Variants in ROCK1 observed in about 807,000 individuals in gnomAD.
The protein encoded by ROCK1 is rho-associated protein kinase 1.
Under a neutral mutation model 196.8 loss-of-function variants are expected in ROCK1, and 36 were observed. The ratio of observed to expected loss-of-function variants is 0.18; its 90% CI spans 0.14 to 0.24. ROCK1 has a LOEUF of 0.24. ROCK1 is among the 10% of genes least tolerant of loss of function. The probability of loss-of-function intolerance (pLI) is 1.00; values close to 1 mark genes in which losing one functional copy is unlikely to be tolerated. For missense variants in ROCK1, 920 were observed against 1,562.0 expected (o/e 0.59, Z 6.93); for synonymous variants, 443 against 515.9 (o/e 0.86, Z 1.91).
chr18:21,030,608 A>T (rs1333549882), intron 9 of ROCK1, among the ~76,000 whole-genome samples: 2 of 152,192 alleles, frequency 1.3e-5, no homozygotes, highest in Non-Finnish European at 2.9e-5. Context: ...CTGAGATACA[A>T]GTGGGGAAAA....
intron 22 of ROCK1, among the ~76,000 whole-genome samples, chr18:20,971,673 TAAATAAATAAA>T (rs2035429975): frequency 6.0e-5 from 1 of 16,560 alleles, no homozygotes; most frequent in Non-Finnish European, 9.4e-5. Flanking sequence ...CAAAAATAAA[TAAATAAATAAA>T]TAAATAAATA....
intron 27 of ROCK1, among the ~76,000 whole-genome samples, chr18:20,962,072 G>A (rs1448286799): frequency 6.6e-6 from 1 of 152,056 alleles, no homozygotes; most frequent in Admixed American, 6.6e-5. Context: ...GTACTTGACA[G>A]ATATTTGTTG....
At chr18:21,018,156 C>T (rs2035880851) in intron 12 of ROCK1, among the ~76,000 whole-genome samples, 3 of 151,926 alleles carry the variant, frequency 2.0e-5, no homozygotes, top group Non-Finnish European at 4.4e-5. Context: ...TTAGCCAATT[C>T]AGCCATTCTT....
intron 9 of ROCK1, among the ~76,000 whole-genome samples, chr18:21,031,652 G>A (rs1412161366): frequency 2.7e-5 from 4 of 149,248 alleles, no homozygotes; most frequent in African/African-American, 7.4e-5. Context: ...CCACCTCTGA[G>A]GAAACCAAGA....
intron 1 of ROCK1, among the ~76,000 whole-genome samples, chr18:21,078,066 T>C (rs1235036856): frequency 1.3e-5 from 2 of 152,162 alleles, no homozygotes; most frequent in East Asian, 3.9e-4. Context: ...CAGTGGCTCA[T>C]GCCTGTAATC....
At chr18:21,008,332 A>G (rs1360476260) in intron 13 of ROCK1, 138 bp from the exon 14 acceptor site, 1 of 583,268 alleles carries the variant, frequency 1.7e-6, no homozygotes, top group African/African-American at 1.9e-5. Flanking sequence ...TTTCAAACGC[A>G]AATAGTATCT....
rs1448259570 is a variant in ROCK1, at chr18:20,946,961, A to G, written c.*4423T>C. On this transcript the variant is annotated 3_prime_UTR_variant, in exon 33 of 33. Coordinates refer to ENST00000399799, the MANE Select transcript of ROCK1 (RefSeq NM_005406.3). Reference sequence around the variant, plus strand: ...CCATCCTACATGGTACAAGAAACCAATTTATAGGATTAACATACAAGTGTC... The same window carrying G: ...CCATCCTACATGGTACAAGAAACCAGTTTATAGGATTAACATACAAGTGTC... 2 of 152,220 alleles carry G rather than the reference A, an allele frequency of 1.3e-5. No individual in the cohort carries two copies. Among genetic ancestry groups the G allele is most frequent in the African/African-American group, 4.8e-5 (2 of 41,462 alleles). The allele number at this position is 152,220 out of a possible 1,614,324, so 9.4% of individuals were successfully genotyped here. A position where few individuals can be genotyped will look rare whatever the true frequency, so the allele number is the denominator to read the frequency against.
At position 21,015,421 on chromosome 18, in the gene ROCK1, C is replaced by T; in HGVS notation, c.1410+10G>A. On this transcript the variant is annotated intron_variant, in intron 13 of 32. Transcript: ENST00000399799. Reference sequence around the variant, plus strand: ...TCAAAAAGGAAACTTGATTAGAAAACAAAAAGTACCTCTTCATCCAATTCT... The same window carrying T: ...TCAAAAAGGAAACTTGATTAGAAAATAAAAAGTACCTCTTCATCCAATTCT... 2 of 1,542,064 alleles carry T rather than the reference C, an allele frequency of 1.3e-6. No individual in the cohort carries two copies. The highest frequency in any genetic ancestry group is 1.8e-6 in the Non-Finnish European group (2 of 1,122,376).
chr18:20,992,872 C>T lies in ROCK1; in HGVS notation c.1951G>A (p.Glu651Lys). 1 of 1,612,136 alleles carries T rather than the reference C, an allele frequency of 6.2e-7. No individual in the cohort carries two copies. Among genetic ancestry groups the T allele is most frequent in the Non-Finnish European group, 8.5e-7 (1 of 1,178,680 alleles). ...AGCATGTCTTGAGCCTCTTTTCTTT[C>T]TCCTTCCACTTTTTCGAGATTATGT... ...LKHNLEKVEG[E>K]RKEAQDMLNH... The change falls in exon 17 of 33, where the codon GAA becomes AAA. Residue 651 changes from glutamate (E) to lysine (K), a missense_variant. Glu to Lys is a moderately conservative substitution (Grantham distance 56, BLOSUM62 1). This residue lies in a region of ROCK1 where 520 missense variants were observed against 657.1 expected (regional missense o/e 0.79). Transcript: ENST00000399799.
At chr18:21,068,090 T>A (rs1178137876) in intron 2 of ROCK1, among the ~76,000 whole-genome samples, 4 of 152,242 alleles carry the variant, frequency 2.6e-5, no homozygotes, top group Non-Finnish European at 5.9e-5. Context: ...GTCTAATTTA[T>A]CCTTTTTCAA....
intron 1 of ROCK1, among the ~76,000 whole-genome samples, chr18:21,093,288 G>T (rs2036586405): frequency 6.6e-6 from 1 of 152,160 alleles, no homozygotes; most frequent in Non-Finnish European, 1.5e-5. Flanking sequence ...ACCAGCTGCA[G>T]TCACATCATT....
chr18:21,022,277 G>GT (rs1425688118), intron 11 of ROCK1, among the ~76,000 whole-genome samples: 1 of 152,114 alleles, frequency 6.6e-6, no homozygotes, highest in Non-Finnish European at 1.5e-5. Context: ...CTTCTGAAAT[G>GT]TAAGCAAGTA....
chr18:21,058,835 T>C (rs1348989328), intron 2 of ROCK1, among the ~76,000 whole-genome samples: 1 of 152,114 alleles, frequency 6.6e-6, no homozygotes. Flanking sequence ...TGCCTCGGCC[T>C]CCGAAAGTGC....
intron 29 of ROCK1, among the ~76,000 whole-genome samples, chr18:20,958,738 C>A (rs1400696545): frequency 6.7e-6 from 1 of 149,960 alleles, no homozygotes; most frequent in Non-Finnish European, 1.5e-5. Context: ...AACCTAGGCA[C>A]ATCCTCCTGT....
intron 9 of ROCK1, among the ~76,000 whole-genome samples, chr18:21,038,154 C>A (rs2036073045): frequency 6.6e-6 from 1 of 152,086 alleles, no homozygotes. Flanking sequence ...AATAAAAACA[C>A]AAAAAGTGTT....
chr18:21,100,418 A>C (rs1280895235), intron 1 of ROCK1, among the ~76,000 whole-genome samples: 4 of 151,912 alleles, frequency 2.6e-5, no homozygotes, highest in African/African-American at 9.7e-5. Flanking sequence ...AAAACAAGGA[A>C]GCTCTATCAA....
chr18:21,053,020 C>A (rs1009128860), intron 2 of ROCK1, among the ~76,000 whole-genome samples: 1 of 152,200 alleles, frequency 6.6e-6, no homozygotes, highest in African/African-American at 2.4e-5. Context: ...TCACTTCAAA[C>A]TCTGCACTGA....
chr18:21,044,730 A>C (rs2036140315), intron 5 of ROCK1, among the ~76,000 whole-genome samples: 1 of 152,216 alleles, frequency 6.6e-6, no homozygotes, highest in African/African-American at 2.4e-5. Context: ...ACCTTAGAAA[A>C]CTAGTTTACA....
intron 2 of ROCK1, among the ~76,000 whole-genome samples, chr18:21,060,597 T>A (rs1339237837): frequency 6.6e-6 from 1 of 152,178 alleles, no homozygotes; most frequent in Non-Finnish European, 1.5e-5. Flanking sequence ...TCCAGCACTT[T>A]GGGAGGCCGA....
Sources: gnomAD v4.1 joint callset for allele counts (sites outside exome capture counted in the v4.1 genomes callset) on GRCh38, gnomAD v4.1.1 for gene constraint, gnomAD v4.1.1 regional missense constraint, MANE v1.5 for transcripts, NCBI Gene and HGNC (gene_info 2026-07-23, HGNC 2026-07-21) for gene names.